Variants in SETD2 observed in about 807,000 individuals in gnomAD.
SETD2 encodes the protein SET domain containing 2, histone lysine methyltransferase.
Under a neutral mutation model 242.1 loss-of-function variants are expected in SETD2, and 31 were observed. The ratio of observed to expected loss-of-function variants is 0.13; its 90% CI spans 0.10 to 0.17. The LOEUF (loss-of-function observed/expected upper bound fraction) is 0.17. Ranked by LOEUF, SETD2 falls within the 10% of genes least tolerant of loss-of-function variation. SETD2 has a pLI of 1.00. For synonymous variants in SETD2, 1,006 were observed against 1,066.5 expected (o/e 0.94, Z 1.11); for missense variants, 2,481 against 3,046.3 (o/e 0.81, Z 4.37).
At chr3:47,071,491 C>A (rs1201733862) in intron 12 of SETD2, among the ~76,000 whole-genome samples, 1 of 152,110 alleles carries the variant, frequency 6.6e-6, no homozygotes, top group African/African-American at 2.4e-5. Context: ...ACGCTTTTAT[C>A]CCTGGAAAGA....
At chr3:47,119,858 T>C (rs1559740539) in intron 3 of SETD2, 1 of 479,942 alleles carries the variant, frequency 2.1e-6, no homozygotes, top group Non-Finnish European at 4.1e-6. Flanking sequence ...TGGGGTTTTA[T>C]TCTGTTTTTT....
chr3:47,051,544 A>G (rs772267166), intron 15 of SETD2, among the ~76,000 whole-genome samples: 44 of 152,292 alleles, frequency 2.9e-4, no homozygotes, highest in South Asian at 8.3e-4. Context: ...ACAACCAAAA[A>G]TCCTTTTAAA....
intron 9 of SETD2, among the ~76,000 whole-genome samples, chr3:47,094,646 G>A (rs1256224006): frequency 6.6e-6 from 1 of 152,218 alleles, no homozygotes; most frequent in Non-Finnish European, 1.5e-5. Flanking sequence ...TTCTGCAGCA[G>A]ATAATCCAAG....
chr3:47,143,714 C>CT (rs956079331), intron 1 of SETD2, among the ~76,000 whole-genome samples: 40 of 148,040 alleles, frequency 2.7e-4, no homozygotes, highest in Admixed American at 4.7e-4. Context: ...TATACCAGAA[C>CT]TTTTTTTTTT....
At chr3:47,077,284 T>A (rs1288917471) in intron 12 of SETD2, among the ~76,000 whole-genome samples, 2 of 152,146 alleles carry the variant, frequency 1.3e-5, no homozygotes, top group African/African-American at 4.8e-5. Flanking sequence ...GGTTTCACCA[T>A]GTTGGCCAGG....
intron 5 of SETD2, among the ~76,000 whole-genome samples, chr3:47,110,671 G>GC (rs2042613307): frequency 6.6e-6 from 1 of 151,978 alleles, no homozygotes; most frequent in South Asian, 2.1e-4. Flanking sequence ...AGTAAACAAC[G>GC]CAAGAGTTTT....
Position 47,046,628 on chromosome 3 carries a change from G to A in SETD2, c.6964-7C>T, listed in dbSNP as rs2039543886. ...GACTTGGCTGGGCATAACTCTAAAA[G>A]ATAAAATGAAGAAATCAATAATTTA... On this transcript the variant is annotated splice_polypyrimidine_tract_variant and splice_region_variant and intron_variant, in intron 15 of 20. Transcript: ENST00000409792. The A allele has an allele frequency of 1.9e-6, 3 of 1,601,336 alleles. No homozygotes were observed. Among genetic ancestry groups the A allele is most frequent in the Non-Finnish European group, 2.6e-6 (3 of 1,174,572 alleles).
intron 1 of SETD2, among the ~76,000 whole-genome samples, chr3:47,149,988 T>G (rs1413075136): frequency 6.6e-6 from 1 of 151,698 alleles, no homozygotes; most frequent in Non-Finnish European, 1.5e-5. Flanking sequence ...GTACTAAATT[T>G]TCTATCATTT....
At chr3:47,103,305 C>T (rs1408594197) in intron 7 of SETD2, 41 bp downstream of exon 7, 13 of 1,372,062 alleles carry the variant, frequency 9.5e-6, no homozygotes, top group Non-Finnish European at 1.2e-5. Flanking sequence ...GAACAGCAAT[C>T]GTGAACAAAT....
Position 47,123,615 on chromosome 3 carries a change from A to T in SETD2, c.1021T>A (p.Phe341Ile), listed in dbSNP as rs1481483810. The T allele has an allele frequency of 9.7e-6, 15 of 1,549,924 alleles. No homozygotes were observed. Among genetic ancestry groups the T allele is most frequent in the Non-Finnish European group, 1.3e-5 (15 of 1,146,716 alleles). The part of the protein sequence containing the change: ...SSSQRSHDLK[F>I]SASIEKERDF... ...CTTTCCTTTTCAATGCTTGCTGAAA[A>T]TTTTAAATCATGTGATCTTTGACTT... is the stretch of plus-strand genomic sequence containing the variant. The change falls in exon 3 of 21, where the codon TTT becomes ATT. Residue 341 changes from phenylalanine to isoleucine, a missense_variant. Physicochemically the swap from Phe to Ile is conservative, Grantham distance 21 (BLOSUM62 0). Around this residue, in one of 17 missense-constraint regions of SETD2, gnomAD observed 38 missense variants for 61.0 expected, o/e 0.62. Transcript: ENST00000409792.
chr3:47,039,196 T>A (rs1187388278), intron 17 of SETD2, among the ~76,000 whole-genome samples: 3 of 151,836 alleles, frequency 2.0e-5, no homozygotes, highest in Non-Finnish European at 4.4e-5. Context: ...GGTACACATA[T>A]AAATAAGAAA....
chr3:47,017,812 T>C lies in SETD2; in HGVS notation c.7432-73A>G. The C allele has an allele frequency of 9.4e-7, 1 of 1,060,402 alleles. No individual in the cohort carries two copies. Among genetic ancestry groups the C allele is most frequent in the East Asian group, 2.4e-5 (1 of 42,326 alleles). 65.7% of individuals were successfully genotyped at this position (1,060,402 alleles called of 1,614,324 possible). ...CAAGGAGTTGTACTGAGGAAATAAC[T>C]AGAAAAGGTAGTGAGTAAAGCCAGC... On this transcript the variant is annotated intron_variant, in intron 19 of 20. Coordinates refer to ENST00000409792, the MANE Select transcript of SETD2 (RefSeq NM_014159.7). The surrounding 1 kb of genome is among the most constrained non-coding windows in gnomAD (Gnocchi z 4.8).
rs775852697 is a variant in SETD2 at position 47,120,240 on chromosome 3, G to C, written c.4396C>G (p.Gln1466Glu). The change falls in exon 3 of 21, where the codon CAA becomes GAA. Residue 1466 changes from glutamine to glutamate, a missense_variant. Gln to Glu is a conservative substitution (Grantham distance 29). This residue lies in a region of SETD2 where 48 missense variants were observed against 76.6 expected (regional missense o/e 0.63). Transcript: ENST00000409792. ...DPQRWKECAKQGKMPCYFDLI... is the reference protein window; with the variant it reads ...DPQRWKECAKEGKMPCYFDLI... ...TCAAAGTAACATGGCATTTTCCCTT[G>C]CTTGGCACATTCCTTCCATCGCTGT... 8 of 1,595,732 alleles carry C rather than the reference G, an allele frequency of 5.0e-6. No homozygotes were observed. The East Asian group carries it at 1.8e-4, about 36-fold the overall frequency.
Position 47,122,233 on chromosome 3 carries a change from G to A in SETD2, c.2403C>T (p.Asn801=), listed in dbSNP as rs200127446. The A allele has an allele frequency of 8.5e-5, 137 of 1,613,988 alleles. No individual in the cohort carries two copies. Among genetic ancestry groups the A allele is most frequent in the Non-Finnish European group, 1.1e-4 (124 of 1,180,004 alleles). ...CAGCTTCAGAGTTACACAAAGAAGG[G>A]TTGCTATCGTTCAAAGTACAGTATA... ...SDIYCTLNDS[N]PSLCNSEAEN... is the part of the protein sequence containing the mutation. The change falls in exon 3 of 21, where the codon AAC becomes AAT. Residue 801 remains asparagine (N), a synonymous_variant. Transcript: ENST00000409792.
At chr3:47,040,661 A>T (rs2039238913) in intron 17 of SETD2, among the ~76,000 whole-genome samples, 1 of 144,028 alleles carries the variant, frequency 6.9e-6, no homozygotes, top group South Asian at 2.2e-4. Flanking sequence ...TACAGATCTG[A>T]CCTCCTGTCT....
chr3:47,144,435 G>A (rs770711780), intron 1 of SETD2, among the ~76,000 whole-genome samples: 10 of 151,464 alleles, frequency 6.6e-5, no homozygotes, highest in Non-Finnish European at 1.0e-4. Context: ...TCAAGAGAGC[G>A]AGACCATCCT....
intron 15 of SETD2, among the ~76,000 whole-genome samples, chr3:47,050,456 G>C (rs1034005710): frequency 1.3e-5 from 2 of 152,094 alleles, no homozygotes; most frequent in African/African-American, 2.4e-5. Flanking sequence ...GCACATGATT[G>C]TATTTATGTA....
intron 1 of SETD2, among the ~76,000 whole-genome samples, chr3:47,148,619 T>C (rs2043916107): frequency 6.6e-6 from 1 of 152,212 alleles, no homozygotes; most frequent in East Asian, 1.9e-4. Context: ...TTCAAATAAA[T>C]GCACATTTCT....
rs755037858 is a variant in SETD2 at position 47,121,823 on chromosome 3, T to A, written c.2813A>T (p.Asp938Val). ...CCTGGAAGCAAATCCCTTTCCTGAA[T>A]CAGGAAGGTCACTACCTACTTCTAC... Reference protein sequence around the residue: ...TIVEVGSDLPDSGKGFASREN... With the variant: ...TIVEVGSDLPVSGKGFASREN... The change falls in exon 3 of 21, where the codon GAT becomes GTT. Residue 938 changes from aspartate (D) to valine (V), a missense_variant. Asp to Val is a radical substitution (Grantham distance 152). Coordinates refer to ENST00000409792, the MANE Select transcript of SETD2 (RefSeq NM_014159.7). 1.2e-6 allele frequency: 2 copies of A among 1,614,120 alleles called. No homozygotes were observed. Among genetic ancestry groups the A allele is most frequent in the Non-Finnish European group, 1.7e-6 (2 of 1,179,986 alleles).
Sources: gnomAD v4.1 joint callset for allele counts (sites outside exome capture counted in the v4.1 genomes callset) on GRCh38, gnomAD v4.1.1 for gene constraint, gnomAD v4.1.1 regional missense constraint, Gnocchi (gnomAD v3.1) non-coding constraint, MANE v1.5 for transcripts, NCBI Gene and HGNC (gene_info 2026-07-23, HGNC 2026-07-21) for gene names.